Variants in RBFOX1 observed in about 807,000 individuals in gnomAD.
RBFOX1 encodes RNA binding fox-1 homolog 1.
Under a neutral mutation model 57.7 loss-of-function variants are expected in RBFOX1, and 8 were observed. That is an observed-to-expected ratio of 0.14 (90% confidence interval 0.08 to 0.25). The LOEUF (loss-of-function observed/expected upper bound fraction) is 0.25. Among genes scored for constraint, RBFOX1 ranks in the 10% least tolerant of loss-of-function variants. The pLI, the probability that RBFOX1 is intolerant of heterozygous loss-of-function variation, is 1.00. For missense variants in RBFOX1, 611 were observed against 548.5 expected, an observed-to-expected ratio of 1.11 and a Z score of -1.14; for synonymous variants, 326 against 222.4, an observed-to-expected ratio of 1.47 and a Z score of -4.15.
At chr16:5,981,703 G>C (rs143785805) in intron 4 of RBFOX1, among the ~76,000 whole-genome samples, 204 of 152,184 alleles carry the variant, frequency 1.3e-3, no homozygotes, top group African/African-American at 4.7e-3. Context: ...TCCTGACCTC[G>C]AGTGGTCCAC....
chr16:6,184,989 A>C (rs372219656), intron 1 of RBFOX1, among the ~76,000 whole-genome samples: 6 of 152,194 alleles, frequency 3.9e-5, no homozygotes, highest in Non-Finnish European at 1.5e-5. Context: ...GCAGGTTTAC[A>C]CTTGTGTGAA....
intron 3 of RBFOX1, among the ~76,000 whole-genome samples, chr16:5,628,008 C>T (rs904011670): frequency 6.6e-6 from 1 of 152,162 alleles, no homozygotes; most frequent in Non-Finnish European, 1.5e-5. Flanking sequence ...ATTGTCAGGC[C>T]TCTTCTGCCA....
intron 4 of RBFOX1, among the ~76,000 whole-genome samples, chr16:7,091,159 A>G (rs1042203638): frequency 6.6e-6 from 1 of 151,976 alleles, no homozygotes; most frequent in Non-Finnish European, 1.5e-5. Flanking sequence ...GAAACAAATA[A>G]CTCTTTCCAT....
chr16:6,616,398 C>T (rs1157432345), intron 2 of RBFOX1, among the ~76,000 whole-genome samples: 1 of 151,246 alleles, frequency 6.6e-6, no homozygotes, highest in African/African-American at 2.4e-5. Flanking sequence ...TTTTTTTGGC[C>T]AGGCGTGATG....
chr16:6,205,366 A>G (rs2097248063), intron 1 of RBFOX1, among the ~76,000 whole-genome samples: 1 of 152,210 alleles, frequency 6.6e-6, no homozygotes, highest in Admixed American at 6.5e-5. Flanking sequence ...CAAAGCTGAT[A>G]AGTCACCTGA....
intron 1 of RBFOX1, among the ~76,000 whole-genome samples, chr16:6,277,428 G>A (rs530852752): frequency 7.8e-6 from 1 of 128,480 alleles, no homozygotes; most frequent in East Asian, 2.3e-4. Flanking sequence ...CTGCACCCCA[G>A]AGAGAGTGAC....
chr16:6,205,923 G>A (rs1480744373), intron 1 of RBFOX1, among the ~76,000 whole-genome samples: 1 of 119,768 alleles, frequency 8.3e-6, no homozygotes, highest in Admixed American at 1.0e-4. Flanking sequence ...TGATTTTGAT[G>A]TTTTTGATAG....
At chr16:5,705,234 C>T (rs554869426) in intron 3 of RBFOX1, among the ~76,000 whole-genome samples, 92 of 152,274 alleles carry the variant, frequency 6.0e-4, no homozygotes, top group Non-Finnish European at 1.1e-3. Flanking sequence ...CCAGCACCAT[C>T]CATGTGCTAA....
At chr16:6,842,243 C>T (rs991401049) in intron 3 of RBFOX1, among the ~76,000 whole-genome samples, 1 of 152,054 alleles carries the variant, frequency 6.6e-6, no homozygotes, top group Non-Finnish European at 1.5e-5. Context: ...ATACCTCTGA[C>T]ATGGTATCAT....
chr16:7,233,331 A>C (rs991909467), intron 4 of RBFOX1, among the ~76,000 whole-genome samples: 1 of 151,864 alleles, frequency 6.6e-6, no homozygotes, highest in Admixed American at 6.6e-5. Context: ...GAATTATCCC[A>C]GCTCTTCTAT....
At chr16:6,894,585 C>G (rs535666431) in intron 3 of RBFOX1, among the ~76,000 whole-genome samples, 1 of 152,264 alleles carries the variant, frequency 6.6e-6, no homozygotes, top group South Asian at 2.1e-4. Context: ...AACACTTGCC[C>G]CATTTGGGGT....
At chr16:6,816,050 C>T (rs781039324) in intron 3 of RBFOX1, among the ~76,000 whole-genome samples, 9 of 152,228 alleles carry the variant, frequency 5.9e-5, no homozygotes, top group Admixed American at 2.0e-4. Context: ...ATGGCTCATG[C>T]GTGTCCCAGC....
chr16:6,766,724 T>A (rs556432474), intron 3 of RBFOX1, among the ~76,000 whole-genome samples: 2 of 152,120 alleles, frequency 1.3e-5, no homozygotes, highest in South Asian at 4.2e-4. Flanking sequence ...CTTCTGAATG[T>A]TATGCCAGTG....
At chr16:5,437,516 CA>C (rs1238310365) in intron 1 of RBFOX1, among the ~76,000 whole-genome samples, 1 of 152,134 alleles carries the variant, frequency 6.6e-6, no homozygotes, top group East Asian at 1.9e-4. Context: ...AAGCAACCTG[CA>C]TATCCAACCA....
At chr16:5,990,716 G>A (rs528517051) in intron 4 of RBFOX1, among the ~76,000 whole-genome samples, 4 of 152,232 alleles carry the variant, frequency 2.6e-5, no homozygotes, top group Non-Finnish European at 2.9e-5. Context: ...GCCTGTAATC[G>A]CAACACTTCA....
At chr16:6,222,282 CCTT>C (rs780209056) in intron 1 of RBFOX1, among the ~76,000 whole-genome samples, 5 of 152,094 alleles carry the variant, frequency 3.3e-5, no homozygotes, top group East Asian at 1.9e-4. Flanking sequence ...TTATTTCTGA[CCTT>C]CTTCTATACC....
chr16:7,695,422 G>A (rs1598311389), intron 14 of RBFOX1, among the ~76,000 whole-genome samples: 1 of 152,090 alleles, frequency 6.6e-6, no homozygotes, highest in Admixed American at 6.5e-5. Context: ...GGGAGGCCAA[G>A]GTGGGTGGAT....
chr16:5,444,540 A>C (rs975969657), intron 1 of RBFOX1, among the ~76,000 whole-genome samples: 7 of 152,152 alleles, frequency 4.6e-5, no homozygotes, highest in Non-Finnish European at 8.8e-5. Flanking sequence ...AGATTGCGCC[A>C]CCGATCGGCT....
At chr16:6,030,239 A>G (rs1350027301) in intron 1 of RBFOX1, among the ~76,000 whole-genome samples, 1 of 152,022 alleles carries the variant, frequency 6.6e-6, no homozygotes, top group Admixed American at 6.6e-5. Flanking sequence ...ATTTTTGAGG[A>G]CTCTGTTGGC....
Sources: gnomAD v4.1 joint callset for allele counts (sites outside exome capture counted in the v4.1 genomes callset) on GRCh38, gnomAD v4.1.1 for gene constraint, MANE v1.5 for transcripts, NCBI Gene and HGNC (gene_info 2026-07-23, HGNC 2026-07-21) for gene names.